The following AFF1 variants were observed in gnomAD, a reference collection of about 807,000 sequenced individuals.
AFF1 encodes AF4/FMR2 family member 1.
Under a neutral mutation model 121.7 loss-of-function variants are expected in AFF1, and 48 were observed. That is an observed-to-expected ratio of 0.39 (90% CI 0.31 to 0.50). The LOEUF (loss-of-function observed/expected upper bound fraction) is 0.50, where lower values mean the gene tolerates loss of function less well. Ranked by LOEUF, AFF1 falls within the 20% of genes least tolerant of loss-of-function variation. The pLI is 0.76. For synonymous variants in AFF1, 613 were observed against 563.0 expected (o/e 1.09, Z -1.26); for missense variants, 1,523 against 1,511.7 (o/e 1.01, Z -0.12).
chr4:87,077,671 A>G (rs1253593441), intron 4 of AFF1, among the ~76,000 whole-genome samples: 1 of 151,894 alleles, frequency 6.6e-6, no homozygotes, highest in East Asian at 1.9e-4. Context: ...ATAGTAAGCA[A>G]CTCCATATAT....
chr4:86,940,159 A>G (rs967027442), intron 1 of AFF1, among the ~76,000 whole-genome samples: 1 of 152,220 alleles, frequency 6.6e-6, no homozygotes, highest in Non-Finnish European at 1.5e-5. Flanking sequence ...TTCTTTAAAC[A>G]ACAGCAACAG....
chr4:87,100,928 C>T (rs1161071857), intron 8 of AFF1, among the ~76,000 whole-genome samples: 1 of 152,138 alleles, frequency 6.6e-6, no homozygotes, highest in Non-Finnish European at 1.5e-5. Flanking sequence ...TTCACTTCGT[C>T]CATGGAGTTT....
chr4:87,130,682 T>C (rs1358038474), intron 16 of AFF1, among the ~76,000 whole-genome samples: 1 of 152,242 alleles, frequency 6.6e-6, no homozygotes, highest in Admixed American at 6.5e-5. Flanking sequence ...GTTTTCTTTT[T>C]AATAAACTTC....
intron 2 of AFF1, among the ~76,000 whole-genome samples, chr4:87,024,194 A>G (rs1728302744): frequency 6.6e-6 from 1 of 152,180 alleles, no homozygotes; most frequent in Admixed American, 6.5e-5. Context: ...TTACATGTAA[A>G]TGTCTCCTTG....
At chr4:86,966,592 A>G (rs1578862521) in intron 2 of AFF1, among the ~76,000 whole-genome samples, 1 of 16,210 alleles carries the variant, frequency 6.2e-5, no homozygotes, top group East Asian at 8.4e-4. Flanking sequence ...GCTCACAGGA[A>G]AAAAAAAAAA....
chr4:87,115,497 C>T (rs1026137305), intron 12 of AFF1, among the ~76,000 whole-genome samples, 198 bp downstream of exon 12: 14 of 151,774 alleles, frequency 9.2e-5, no homozygotes, highest in African/African-American at 2.7e-4. Flanking sequence ...GGCATTAACA[C>T]GTGTTATGTC....
chr4:87,008,862 A>G (rs752708087), intron 2 of AFF1, among the ~76,000 whole-genome samples: 11 of 152,196 alleles, frequency 7.2e-5, no homozygotes, highest in Middle Eastern at 3.2e-3. Flanking sequence ...GTGCTTGTCT[A>G]TATAATCTGG....
chr4:87,129,217 T>A (rs1159709820), intron 16 of AFF1, among the ~76,000 whole-genome samples: 2 of 152,174 alleles, frequency 1.3e-5, no homozygotes, highest in Admixed American at 1.3e-4. Flanking sequence ...GCCCACCCAC[T>A]CCATAATATT....
In AFF1 at chr4:87,140,209, C is replaced by G. The variant is rs1030131252; in HGVS notation, c.*4508C>G. On this transcript the variant is annotated 3_prime_UTR_variant, in exon 21 of 21. Transcript: ENST00000395146. ...TGGCTGACCTAAGGAAGACAACTTG[C>G]TTTGCTTAAAAGTAGATTTTTTAAG... 5.1e-6 allele frequency: 1 copy of G among 196,840 alleles called. No homozygotes were observed. The highest frequency in any genetic ancestry group is 1.1e-5 in the Non-Finnish European group (1 of 94,846). 12.2% of individuals were successfully genotyped at this position (196,840 alleles called of 1,614,324 possible).
chr4:86,986,804 T>A (rs1024123267), intron 2 of AFF1, among the ~76,000 whole-genome samples: 2 of 152,128 alleles, frequency 1.3e-5, no homozygotes, highest in Non-Finnish European at 2.9e-5. Flanking sequence ...ATTACATTAA[T>A]ATCAAGTAAT....
chr4:86,998,433 A>G (rs778245579), intron 2 of AFF1, among the ~76,000 whole-genome samples: 22 of 152,218 alleles, frequency 1.4e-4, no homozygotes, highest in Non-Finnish European at 3.1e-4. Flanking sequence ...TGTGACTACA[A>G]AAACAGGTGT....
At chr4:87,051,762 C>G (rs1340723088) in intron 4 of AFF1, among the ~76,000 whole-genome samples, 1 of 152,074 alleles carries the variant, frequency 6.6e-6, no homozygotes, top group Admixed American at 6.5e-5. Context: ...GCCACTGTGC[C>G]CAGCCCAACA....
rs1729451963 is a variant in AFF1 at position 87,138,216 on chromosome 4, A to G, written c.*2515A>G. 4.3e-6 allele frequency: 1 copy of G among 232,592 alleles called. No individual in the cohort carries two copies. The highest frequency in any genetic ancestry group is 5.6e-5 in the Admixed American group (1 of 17,772). 14.4% of individuals were successfully genotyped at this position (232,592 alleles called of 1,614,324 possible). ...GTATGTGAAAGGTAGTGGCTGATGA[A>G]TCCTTAACGTTCATAGGGTCTTTTT... On this transcript the variant is annotated 3_prime_UTR_variant, in exon 21 of 21. Coordinates refer to ENST00000395146, the MANE Select transcript of AFF1 (RefSeq NM_001166693.3).
chr4:87,081,152 A>AC (rs1723126878), intron 4 of AFF1, among the ~76,000 whole-genome samples: 1 of 89,718 alleles, frequency 1.1e-5, no homozygotes, highest in Admixed American at 1.4e-4. Flanking sequence ...AATGAAATGA[A>AC]TTTTTTTTTT....
chr4:86,935,122 G>C lies in AFF1; in HGVS notation c.-155G>C, dbSNP rs1748341932. ...TCCGCGGTTCCGCAGCCGAGCCCCGGGAGGAGGCGCTCCCCTGCGTCGTCC... is the reference window on the plus strand; with the variant it reads ...TCCGCGGTTCCGCAGCCGAGCCCCGCGAGGAGGCGCTCCCCTGCGTCGTCC... On this transcript the variant is annotated 5_prime_UTR_variant, in exon 1 of 21. Coordinates refer to ENST00000395146, the MANE Select transcript of AFF1 (RefSeq NM_001166693.3). 2 of 152,282 alleles carry C rather than the reference G, an allele frequency of 1.3e-5. No homozygotes were observed. The highest frequency in any genetic ancestry group is 6.5e-5 in the Admixed American group (1 of 15,280). The allele number at this position is 152,282 out of a possible 1,614,324, so 9.4% of individuals were successfully genotyped here. A position where few individuals can be genotyped will look rare whatever the true frequency, so the allele number is the denominator to read the frequency against.
intron 2 of AFF1, among the ~76,000 whole-genome samples, chr4:87,032,172 A>T (rs539441296): frequency 6.6e-6 from 1 of 152,352 alleles, no homozygotes; most frequent in South Asian, 2.1e-4. Context: ...TGCCAATTAT[A>T]GCGGGTAGTA....
chr4:87,056,887 C>T (rs779920506), intron 4 of AFF1, among the ~76,000 whole-genome samples: 6 of 152,198 alleles, frequency 3.9e-5, no homozygotes, highest in Non-Finnish European at 5.9e-5. Context: ...TTCATATTCA[C>T]GATGATCCCA....
At chr4:87,108,019 T>C (rs888983562) in intron 10 of AFF1, 140 bp from the exon 11 acceptor site, 7 of 829,462 alleles carry the variant, frequency 8.4e-6, no homozygotes, top group Non-Finnish European at 1.0e-5. Flanking sequence ...TGGGCCTCTC[T>C]CAGTTGGATG....
At chr4:87,079,137 GCTCT>G (rs142225365) in intron 4 of AFF1, among the ~76,000 whole-genome samples, 1,775 of 152,174 alleles carry the variant, frequency 0.012, 34 homozygotes, top group African/African-American at 0.041. Flanking sequence ...TTGCCTTTGT[GCTCT>G]CTCTATTTCC....
Sources: allele counts gnomAD v4.1 joint callset (sites outside exome capture counted in the v4.1 genomes callset), GRCh38; gene constraint gnomAD v4.1.1; transcripts MANE v1.5; gene names NCBI Gene and HGNC (gene_info 2026-07-23, HGNC 2026-07-21).